The following ABAT variants were observed in gnomAD, a reference collection of about 807,000 sequenced individuals.
ABAT encodes the protein 4-aminobutyrate aminotransferase.
ABAT carries 45 observed loss-of-function variants against 64.6 expected under a neutral mutation model. That is an observed-to-expected ratio of 0.70 (90% CI 0.55 to 0.89). The LOEUF is 0.89. Among genes scored for constraint, ABAT ranks in the 40% least tolerant of loss-of-function variants. The pLI is 0.00. For missense variants in ABAT, 633 were observed against 658.4 expected (o/e 0.96, Z 0.42); for synonymous variants, 297 against 250.5 (o/e 1.19, Z -1.75).
intron 9 of ABAT, 114 bp from the exon 10 acceptor site, chr16:8,768,076 GAGA>G (rs2142969708): frequency 8.8e-7 from 1 of 1,141,730 alleles, no homozygotes; most frequent in African/African-American, 1.5e-5. Context: ...ACTTTTGCCT[GAGA>G]AGGATTCCTG....
In ABAT at chr16:8,783,274, A is replaced by T. The variant is rs1218337281; in HGVS notation, c.*1844A>T. On this transcript the variant is annotated 3_prime_UTR_variant, in exon 16 of 16. Transcript: ENST00000268251. ...GGAGCATCGGGAATACAAAGATGAGATAAAACATTGTCCCTGCCCCCGGGG... is the reference window on the plus strand; with the variant it reads ...GGAGCATCGGGAATACAAAGATGAGTTAAAACATTGTCCCTGCCCCCGGGG... 2.6e-5 allele frequency: 4 copies of T among 152,166 alleles called. No homozygotes were observed. The highest frequency in any genetic ancestry group is 5.9e-5 in the Non-Finnish European group (4 of 68,048). 9.4% of individuals were successfully genotyped at this position (152,166 alleles called of 1,614,324 possible).
intron 4 of ABAT, 27 bp from the exon 5 acceptor site, chr16:8,750,395 C>A (rs1292154792): frequency 5.0e-6 from 8 of 1,585,048 alleles, no homozygotes; most frequent in African/African-American, 1.3e-5. Flanking sequence ...TGGCAGTGAG[C>A]CTGAGTTGGT....
At chr16:8,714,405 G>A (rs1816490557) in intron 1 of ABAT, among the ~76,000 whole-genome samples, 1 of 152,240 alleles carries the variant, frequency 6.6e-6, no homozygotes, top group Non-Finnish European at 1.5e-5. Context: ...AGTTTGCAGT[G>A]AGAATCTCAG....
rs2060471310 is a variant in ABAT at position 8,782,862 on chromosome 16, T to C, written c.*1432T>C. 1 of 152,174 alleles carries C rather than the reference T, an allele frequency of 6.6e-6. No individual in the cohort carries two copies. Among genetic ancestry groups the C allele is most frequent in the Non-Finnish European group, 1.5e-5 (1 of 68,034 alleles). 9.4% of individuals were successfully genotyped at this position (152,174 alleles called of 1,614,324 possible). A position where few individuals can be genotyped will look rare whatever the true frequency, so the allele number is the denominator to read the frequency against. On this transcript the variant is annotated 3_prime_UTR_variant, in exon 16 of 16. Coordinates refer to ENST00000268251, the MANE Select transcript of ABAT (RefSeq NM_020686.6). ...GTGCCTTGGTTGACTATTTTGGAAA[T>C]AGGCATATCAAGGTTCCTGATTCAG... is the stretch of plus-strand genomic sequence containing the variant.
intron 1 of ABAT, chr16:8,722,966 A>C: frequency 1.1e-6 from 1 of 912,112 alleles, no homozygotes; most frequent in East Asian, 6.3e-5. Context: ...CAGCCAGGCA[A>C]GGTGGCTCAT....
At chr16:8,732,207 T>TTTTTTTTTTTTTTTTTA (rs2058744267) in intron 1 of ABAT, among the ~76,000 whole-genome samples, 3 of 124,348 alleles carry the variant, frequency 2.4e-5, no homozygotes, top group Admixed American at 8.1e-5. Flanking sequence ...TTTTTTTTTT[T>TTTTTTTTTTTTTTTTTA]TGTTTGTTTG....
At chr16:8,775,436 A>G (rs529356938) in intron 13 of ABAT, among the ~76,000 whole-genome samples, 1 of 152,334 alleles carries the variant, frequency 6.6e-6, no homozygotes, top group Non-Finnish European at 1.5e-5. Context: ...CTAATGAGGA[A>G]TCAGGCACAG....
intron 1 of ABAT, among the ~76,000 whole-genome samples, chr16:8,732,831 GC>G (rs2058775764): frequency 6.7e-6 from 1 of 149,836 alleles, no homozygotes; most frequent in African/African-American, 2.5e-5. Flanking sequence ...CCCGGACGGG[GC>G]GGCTGGCCGG....
intron 14 of ABAT, among the ~76,000 whole-genome samples, chr16:8,778,602 A>G (rs572025035): frequency 6.6e-6 from 1 of 151,982 alleles, no homozygotes; most frequent in Non-Finnish European, 1.5e-5. Context: ...TTGTGAAACC[A>G]GTTTCTACTA....
intron 5 of ABAT, chr16:8,757,113 T>C (rs987851088): frequency 2.2e-6 from 1 of 454,240 alleles, no homozygotes; most frequent in African/African-American, 2.0e-5. Context: ...TAGGGCCTGT[T>C]GAACCACACT....
Position 8,745,697 on chromosome 16 carries a change from C to CAA in ABAT, c.71-296_71-295dup, listed in dbSNP as rs369352401. On this transcript the variant is annotated intron_variant, in intron 2 of 15. Coordinates refer to ENST00000268251, the MANE Select transcript of ABAT (RefSeq NM_020686.6). ...TGGGCAATAGAGCAAGACTCTGTCTCAAAAAAAAATGAATAAATAAATACA... is the reference window on the plus strand; with the variant it reads ...TGGGCAATAGAGCAAGACTCTGTCTCAAAAAAAAAAATGAATAAATAAATACA... Among the ~76,000 whole-genome samples the CAA allele has an allele frequency of 4.7e-3, 703 of 149,448 alleles. 9 individuals carry two copies. Among genetic ancestry groups the CAA allele is most frequent in the African/African-American group, 0.016 (659 of 40,690 alleles).
chr16:8,732,214 TTTG>T (rs1335245622), intron 1 of ABAT, among the ~76,000 whole-genome samples: 6 of 131,370 alleles, frequency 4.6e-5, no homozygotes, highest in Non-Finnish European at 8.2e-5. Context: ...TTTTTGTTTG[TTTG>T]TTTTTTTAAT....
intron 2 of ABAT, among the ~76,000 whole-genome samples, chr16:8,743,163 G>A (rs1207887077): frequency 6.6e-6 from 1 of 151,238 alleles, no homozygotes; most frequent in Non-Finnish European, 1.5e-5. Flanking sequence ...TATTTTAACG[G>A]TACTTTATGT....
At chr16:8,702,640 A>AC in intron 1 of ABAT, among the ~76,000 whole-genome samples, 1 of 151,964 alleles carries the variant, frequency 6.6e-6, no homozygotes, top group South Asian at 2.1e-4. Flanking sequence ...TGAGAAGCCC[A>AC]CCCCCATGAT....
rs143471584 is a variant in ABAT at position 8,749,292 on chromosome 16, G to A, written c.199-1130G>A. ...TTTAGTAGAGATGGGGTTTCACCAC[G>A]TTGGTCAGGCTGGTCTCGAACTGCT... On this transcript the variant is annotated intron_variant, in intron 4 of 15. Transcript: ENST00000268251. 4.2e-3 allele frequency among the ~76,000 whole-genome samples: 627 copies of A among 149,074 alleles called. 5 individuals are homozygous for A. The highest frequency in any genetic ancestry group is 0.015 in the African/African-American group (598 of 40,636).
At chr16:8,768,347 A>C in intron 10 of ABAT, 91 bp downstream of exon 10, 1 of 1,297,008 alleles carries the variant, frequency 7.7e-7, no homozygotes, top group African/African-American at 1.6e-5. Context: ...CAGTTTACAC[A>C]TATTGTCCCA....
chr16:8,697,075 G>T lies in ABAT; in HGVS notation c.-42+22364G>T, dbSNP rs115346612. Among the ~76,000 whole-genome samples the T allele has an allele frequency of 3.8e-3, 579 of 152,256 alleles. 2 individuals carry two copies. Among genetic ancestry groups the T allele is most frequent in the African/African-American group, 0.013 (550 of 41,540 alleles). ...AACGAATGAGAAAGAGACAGATAAGGGTGACAAAAATAAAATGTGTTGGTC... is the reference window on the plus strand; with the variant it reads ...AACGAATGAGAAAGAGACAGATAAGTGTGACAAAAATAAAATGTGTTGGTC... On this transcript the variant is annotated intron_variant, in intron 1 of 15. Coordinates refer to ENST00000268251, the MANE Select transcript of ABAT (RefSeq NM_020686.6).
At chr16:8,768,090 G>A in intron 9 of ABAT, 103 bp from the exon 10 acceptor site, 3 of 1,275,148 alleles carry the variant, frequency 2.4e-6, no homozygotes, top group Non-Finnish European at 3.4e-6. Flanking sequence ...AGGATTCCTG[G>A]TTCTTCTGAT....
Position 8,764,950 on chromosome 16 carries a change from T to C in ABAT, c.540+120T>C. 1.1e-6 allele frequency: 1 copy of C among 952,072 alleles called. No homozygotes were observed. The highest frequency in any genetic ancestry group is 1.4e-5 in the South Asian group (1 of 73,842). The allele number at this position is 952,072 out of a possible 1,614,324, so 59.0% of individuals were successfully genotyped here. Reference sequence around the variant, plus strand: ...GGAGTATTAGACATCAGTACCAGGGTTAAAATACAGGGAGGGCCACTGCTG... The same window carrying C: ...GGAGTATTAGACATCAGTACCAGGGCTAAAATACAGGGAGGGCCACTGCTG... On this transcript the variant is annotated intron_variant, in intron 8 of 15. Coordinates refer to ENST00000268251, the MANE Select transcript of ABAT (RefSeq NM_020686.6). The surrounding 1 kb of genome is among the most constrained non-coding windows in gnomAD (Gnocchi z 4.2).
Sources: allele counts gnomAD v4.1 joint callset (sites outside exome capture counted in the v4.1 genomes callset), GRCh38; gene constraint gnomAD v4.1.1; non-coding constraint Gnocchi (gnomAD v3.1); transcripts MANE v1.5; gene names NCBI Gene and HGNC (gene_info 2026-07-23, HGNC 2026-07-21).